Variants in LAMB1 observed in about 807,000 individuals in gnomAD.
The protein encoded by LAMB1 is laminin subunit beta-1.
In LAMB1, 121 loss-of-function variants were observed where a neutral mutation model predicts 222.3. The ratio of observed to expected loss-of-function variants is 0.54; its 90% confidence interval spans 0.47 to 0.63. LAMB1 has a LOEUF of 0.63. LAMB1 is among the 30% of genes least tolerant of loss of function. LAMB1 has a pLI of 0.00. For missense variants in LAMB1, 2,172 were observed against 2,240.8 expected, an observed-to-expected ratio of 0.97 and a Z score of 0.62; for synonymous variants, 794 against 807.2, an observed-to-expected ratio of 0.98 and a Z score of 0.28.
In LAMB1 at chr7:107,935,412, T is replaced by G; in HGVS notation, c.4188+3A>C. 1 of 1,524,958 alleles carries G rather than the reference T, an allele frequency of 6.6e-7. No homozygotes were observed. The allele number at this position is 1,524,958 out of a possible 1,614,324, so 94.5% of individuals were successfully genotyped here. ...GCAGTAAGGCCACATCCCCAAACCT[T>G]ACCATTTCGGCAGCGGCTGAAAGGT... On this transcript the variant is annotated splice_donor_region_variant and intron_variant, in intron 27 of 33. Transcript: ENST00000222399.
chr7:107,925,256 G>T (rs1014782493), intron 32 of LAMB1, among the ~76,000 whole-genome samples: 7 of 152,154 alleles, frequency 4.6e-5, no homozygotes, highest in African/African-American at 1.7e-4. Context: ...AAATGCAGGT[G>T]CCCCCAGGCC....
At chr7:107,947,988 T>TTC in intron 24 of LAMB1, among the ~76,000 whole-genome samples, 1 of 146,080 alleles carries the variant, frequency 6.8e-6, no homozygotes, top group Admixed American at 6.8e-5. Context: ...TTCTTCTTTT[T>TTC]TTTTTTTTTT....
chr7:108,001,095 G>A (rs1402187742), intron 3 of LAMB1, among the ~76,000 whole-genome samples: 1 of 152,138 alleles, frequency 6.6e-6, no homozygotes, highest in East Asian at 1.9e-4. Flanking sequence ...AGCACCAAAT[G>A]AGGAGAGGAA....
intron 2 of LAMB1, chr7:108,002,304 G>C: frequency 7.6e-7 from 1 of 1,312,650 alleles, no homozygotes; most frequent in Non-Finnish European, 1.0e-6. Flanking sequence ...CCGGAGCTAG[G>C]GGAGCCCATG....
chr7:107,973,371 CTCATTA>C (rs2033788293), intron 12 of LAMB1, among the ~76,000 whole-genome samples: 1 of 152,158 alleles, frequency 6.6e-6, no homozygotes, highest in South Asian at 2.1e-4. Flanking sequence ...ACCAATTTTC[CTCATTA>C]TAATTACTCT....
chr7:107,975,961 A>G, intron 9 of LAMB1, 84 bp from the exon 10 acceptor site: 1 of 1,230,076 alleles, frequency 8.1e-7, no homozygotes, highest in Non-Finnish European at 1.1e-6. Context: ...ATCCTTTAGG[A>G]AACCAGGGAC....
At position 107,978,203 on chromosome 7, in the gene LAMB1, G is replaced by T. The variant is rs770893426; in HGVS notation, c.880-36C>A. On this transcript the variant is annotated intron_variant, in intron 8 of 33. Transcript: ENST00000222399. Reference sequence around the variant, plus strand: ...ATAAAAACAGGAGAGAACAAAGGAAGAGATGTATGAATAGCCACGTTTCTC... The same window carrying T: ...ATAAAAACAGGAGAGAACAAAGGAATAGATGTATGAATAGCCACGTTTCTC... The T allele has an allele frequency of 6.2e-6, 10 of 1,605,208 alleles. 1 individual carries two copies. The South Asian group carries it at 1.1e-4, about 18-fold the overall frequency.
At chr7:107,998,316 A>G (rs746266825) in intron 4 of LAMB1, 41 bp downstream of exon 4, 1 of 1,603,450 alleles carries the variant, frequency 6.2e-7, no homozygotes, top group Non-Finnish European at 8.5e-7. Context: ...CCAAGTTATC[A>G]ATCACACTCA....
At chr7:107,962,304 C>T (rs1047996830) in intron 15 of LAMB1, among the ~76,000 whole-genome samples, 1 of 152,198 alleles carries the variant, frequency 6.6e-6, no homozygotes, top group African/African-American at 2.4e-5. Context: ...TGTCACTGCA[C>T]AGCCAGGTTG....
At chr7:107,944,464 G>A (rs955128294) in intron 24 of LAMB1, among the ~76,000 whole-genome samples, 7 of 152,154 alleles carry the variant, frequency 4.6e-5, no homozygotes, top group African/African-American at 1.7e-4. Flanking sequence ...TCTCCCACCT[G>A]AAAAGTAAAC....
rs1196380031 is a variant in LAMB1 at position 107,931,506 on chromosome 7, T to C, written c.4393-6A>G. 4 of 1,611,838 alleles carry C rather than the reference T, an allele frequency of 2.5e-6. No individual in the cohort carries two copies. The highest frequency in any genetic ancestry group is 1.1e-5 in the South Asian group (1 of 90,804). On this transcript the variant is annotated splice_polypyrimidine_tract_variant and splice_region_variant and intron_variant, in intron 28 of 33. Transcript: ENST00000222399. ...CTCAGTTTTGCTTCAGAGACCTAAA[T>C]ATGAAGAATAAATTACCCAGGGAAG...
intron 21 of LAMB1, among the ~76,000 whole-genome samples, chr7:107,954,237 C>T (rs1048277279): frequency 6.6e-6 from 1 of 152,054 alleles, no homozygotes; most frequent in Admixed American, 6.5e-5. Context: ...TCACTGCAGC[C>T]CTGAATTTCC....
intron 5 of LAMB1, among the ~76,000 whole-genome samples, chr7:107,988,457 A>G (rs1363562638): frequency 1.3e-5 from 2 of 152,278 alleles, no homozygotes; most frequent in African/African-American, 4.8e-5. Context: ...AAAAAAGAAA[A>G]AAGGAATGGG....
rs146482315 is a variant in LAMB1, at chr7:107,929,457, T to G, written c.4700A>C (p.Asp1567Ala). The change falls in exon 30 of 34, where the codon GAC (aspartate) becomes GCC (alanine). Residue 1567 changes from aspartate to alanine, a missense_variant. Transcript: ENST00000222399. The part of the protein sequence containing the change: ...VEVILQHSAA[D>A]IARAEMLLEE... ...TAACAACATCTCAGCTCTGGCAATG[T>G]CAGCAGCACTATGCTGAAGAATAAC... is the stretch of plus-strand genomic sequence containing the variant. The G allele has an allele frequency of 7.6e-5, 122 of 1,614,070 alleles. No individual in the cohort carries two copies. Among genetic ancestry groups the G allele is most frequent in the Non-Finnish European group, 9.5e-5 (112 of 1,180,038 alleles).
chr7:107,980,782 T>C lies in LAMB1; in HGVS notation c.706A>G (p.Lys236Glu). The C allele has an allele frequency of 6.2e-7, 1 of 1,610,530 alleles. No individual in the cohort carries two copies. The highest frequency in any genetic ancestry group is 8.5e-7 in the Non-Finnish European group (1 of 1,176,858). The change falls in exon 8 of 34, where the codon AAG becomes GAG. Residue 236 changes from lysine to glutamate, a missense_variant. By Grantham distance (56) the Lys-to-Glu change is moderately conservative. Coordinates refer to ENST00000222399, the MANE Select transcript of LAMB1 (RefSeq NM_002291.3). ...NLLKITNLRIKFVKLHTLGDN... is the reference protein window; with the variant it reads ...NLLKITNLRIEFVKLHTLGDN... ...CCCAAAGTATGCAGTTTCACAAACTTGATTCTCAAGTTGGTAATTTTTAAT... is the reference window on the plus strand; with the variant it reads ...CCCAAAGTATGCAGTTTCACAAACTCGATTCTCAAGTTGGTAATTTTTAAT...
intron 18 of LAMB1, 38 bp downstream of exon 18, chr7:107,960,406 CA>C (rs1360191116): frequency 6.5e-7 from 1 of 1,528,772 alleles, no homozygotes; most frequent in East Asian, 2.3e-5. Context: ...TACTCAGAGC[CA>C]GAAACAGCAG....
At position 107,975,022 on chromosome 7, in the gene LAMB1, C is replaced by T. The variant is rs1562998651; in HGVS notation, c.1446G>A (p.Lys482=). 1 of 1,612,200 alleles carries T rather than the reference C, an allele frequency of 6.2e-7. No homozygotes were observed. Among genetic ancestry groups the T allele is most frequent in the East Asian group, 2.2e-5 (1 of 44,876 alleles). ...CDSETGHCYC[K]RLVTGQHCDQ... is the part of the protein sequence containing the mutation. ...CACAATGCTGTCCTGTCACCAGACG[C>T]TTGCAGTAGCAGTGACCTGTCTCGG... The change falls in exon 12 of 34, where the codon AAG becomes AAA. Residue 482 remains lysine (K), a synonymous_variant. Transcript: ENST00000222399.
rs145485632 is a variant in LAMB1 at position 107,951,318 on chromosome 7, G to A, written c.3299C>T (p.Thr1100Met). 6.3e-4 allele frequency: 1,011 copies of A among 1,613,970 alleles called. No individual in the cohort carries two copies. The highest frequency in any genetic ancestry group is 7.8e-4 in the Non-Finnish European group (925 of 1,179,898). The change falls in exon 24 of 34, where the codon ACG (threonine) becomes ATG (methionine). Residue 1100 changes from threonine to methionine, a missense_variant. Physicochemically the swap from Thr to Met is moderately conservative, Grantham distance 81 (BLOSUM62 -1). Transcript: ENST00000222399. ...CCCAGGCATGCACTGGCACTGCCCCGTGAACTGCGGCCAGAACACAGACCT... is the reference window on the plus strand; with the variant it reads ...CCCAGGCATGCACTGGCACTGCCCCATGAACTGCGGCCAGAACACAGACCT... ...HSFGPSCNEF[T>M]GQCQCMPGFG...
chr7:107,998,348 A>C lies in LAMB1; in HGVS notation c.349+9T>G. 1 of 1,613,736 alleles carries C rather than the reference A, an allele frequency of 6.2e-7. No individual in the cohort carries two copies. The highest frequency in any genetic ancestry group is 8.5e-7 in the Non-Finnish European group (1 of 1,179,882). On this transcript the variant is annotated intron_variant, in intron 4 of 33. Coordinates refer to ENST00000222399, the MANE Select transcript of LAMB1 (RefSeq NM_002291.3). Reference sequence around the variant, plus strand: ...CTCAACGGAACTTGTCCCCACACCAACCACATACCATTTTCAGATTGCCAC... The same window carrying C: ...CTCAACGGAACTTGTCCCCACACCACCCACATACCATTTTCAGATTGCCAC...
Sources: gnomAD v4.1 joint callset for allele counts (sites outside exome capture counted in the v4.1 genomes callset) on GRCh38, gnomAD v4.1.1 for gene constraint, MANE v1.5 for transcripts, NCBI Gene and HGNC (gene_info 2026-07-23, HGNC 2026-07-21) for gene names.